The following EPB42 variants were observed in gnomAD, a reference collection of about 807,000 sequenced individuals.
The protein encoded by EPB42 is erythrocyte membrane protein band 4.2.
In EPB42, 49 loss-of-function variants were observed where a neutral mutation model predicts 76.9. The ratio of observed to expected loss-of-function variants is 0.64; its 90% CI spans 0.51 to 0.81. The LOEUF (loss-of-function observed/expected upper bound fraction) is 0.81. Ranked by LOEUF, EPB42 falls within the 30% of genes least tolerant of loss-of-function variation. The pLI is 0.00. For missense variants in EPB42, 731 were observed against 867.6 expected, an observed-to-expected ratio of 0.84 and a Z score of 1.98; for synonymous variants, 310 against 338.4, an observed-to-expected ratio of 0.92 and a Z score of 0.92.
At chr15:43,204,972 C>CG (rs975531845) in intron 10 of EPB42, among the ~76,000 whole-genome samples, 34 of 145,290 alleles carry the variant, frequency 2.3e-4, no homozygotes, top group Admixed American at 5.4e-4. Context: ...CCGCCCCCCC[C>CG]CCAAAAAAAA....
rs762927123 is a variant in EPB42 at position 43,209,294 on chromosome 15, A to G, written c.812T>C (p.Leu271Ser). Residue 271 changes from leucine to serine, a missense_variant, in exon 6 of 13, where the codon TTG (leucine) becomes TCG (serine). By Grantham distance (145) the Leu-to-Ser change is moderately radical. Transcript: ENST00000441366. The stretch of plus-strand genomic sequence containing the variant: ...CCAACCTGTGCAAGCAACAGCAGCC[A>G]ACACCCAGGCCTGGCCATCATACAC... ...RPVYDGQAWV[L>S]AAVACTVLRC... 5 of 1,614,134 alleles carry G rather than the reference A, an allele frequency of 3.1e-6. No individual in the cohort carries two copies. The South Asian group carries it at 5.5e-5, about 18-fold the overall frequency.
chr15:43,209,468 G>C lies in EPB42; in HGVS notation c.655-17C>G. On this transcript the variant is annotated splice_polypyrimidine_tract_variant and intron_variant, in intron 5 of 12. Coordinates refer to ENST00000441366, the MANE Select transcript of EPB42 (RefSeq NM_001114134.2). ...AAAATGCAGCTGTTTGGGGAAATGT[G>C]TGGATGTCAGTATGAGTCCCTTGGG... is the stretch of plus-strand genomic sequence containing the variant. 1 of 1,604,620 alleles carries C rather than the reference G, an allele frequency of 6.2e-7. No individual in the cohort carries two copies. The highest frequency in any genetic ancestry group is 8.5e-7 in the Non-Finnish European group (1 of 1,174,834).
At chr15:43,215,845 C>T (rs546995979) in intron 2 of EPB42, among the ~76,000 whole-genome samples, 1 of 152,310 alleles carries the variant, frequency 6.6e-6, no homozygotes, top group African/African-American at 2.4e-5. Flanking sequence ...TATAGGCCAC[C>T]ATGCCTGGCT....
chr15:43,225,298 T>A (rs1280108520), upstream of EPB42, among the ~76,000 whole-genome samples: 4 of 152,260 alleles, frequency 2.6e-5, no homozygotes, highest in African/African-American at 7.2e-5. Context: ...CTTGTATTTA[T>A]GTGTTAATAT....
At chr15:43,201,387 A>G (rs1255351193) in intron 12 of EPB42, among the ~76,000 whole-genome samples, 1 of 152,262 alleles carries the variant, frequency 6.6e-6, no homozygotes, top group Non-Finnish European at 1.5e-5. Context: ...TACACATTTT[A>G]TACGTACGAA....
rs1196194236 is a variant in EPB42 at position 43,206,234 on chromosome 15, G to A, written c.1618+96C>T. 1.5e-6 allele frequency: 2 copies of A among 1,317,600 alleles called. No individual in the cohort carries two copies. Among genetic ancestry groups the A allele is most frequent in the Non-Finnish European group, 2.1e-6 (2 of 972,026 alleles). 81.6% of individuals were successfully genotyped at this position (1,317,600 alleles called of 1,614,324 possible). ...GCAGGGGCTCAAAGCCATCTCTAGAGACTGCAGGGGGTGCCCTGTGGCTGC... is the reference window on the plus strand; with the variant it reads ...GCAGGGGCTCAAAGCCATCTCTAGAAACTGCAGGGGGTGCCCTGTGGCTGC... On this transcript the variant is annotated intron_variant, in intron 10 of 12. Transcript: ENST00000441366. This position sits in a 1 kb window ranked among gnomAD's most constrained non-coding sequence, Gnocchi z 4.7.
At chr15:43,208,557 G>T in intron 7 of EPB42, 80 bp downstream of exon 7, 1 of 1,599,996 alleles carries the variant, frequency 6.3e-7, no homozygotes, top group South Asian at 1.1e-5. Flanking sequence ...CCATGCAGGG[G>T]GTGGGGCTCC....
chr15:43,221,458 C>T (rs2042459396), upstream of EPB42, among the ~76,000 whole-genome samples: 1 of 152,194 alleles, frequency 6.6e-6, no homozygotes, highest in African/African-American at 2.4e-5. Flanking sequence ...GGGGCCCCAA[C>T]TCTTCCAAGC....
chr15:43,197,313 G>C lies in EPB42; in HGVS notation c.2065C>G (p.Leu689Val). 1 of 1,614,220 alleles carries C rather than the reference G, an allele frequency of 6.2e-7. No individual in the cohort carries two copies. The highest frequency in any genetic ancestry group is 8.5e-7 in the Non-Finnish European group (1 of 1,180,028). ...YKSVTVVAPE[L>V]SA ...ATAGAGCTGGAAGTTTAAGCTGATA[G>C]TTCAGGGGCTACCACGGTGACGCTT... The change falls in exon 13 of 13, where the codon CTA becomes GTA. Residue 689 changes from leucine (L) to valine (V), a missense_variant. Coordinates refer to ENST00000441366, the MANE Select transcript of EPB42 (RefSeq NM_001114134.2).
chr15:43,207,514 C>G (rs1040287516), intron 8 of EPB42, 73 bp from the exon 9 acceptor site: 11 of 1,599,978 alleles, frequency 6.9e-6, no homozygotes, highest in South Asian at 1.1e-5. Flanking sequence ...TGCGTAACCT[C>G]AGTCCCCATC....
chr15:43,220,047 C>A (rs1363865225), intron 1 of EPB42, among the ~76,000 whole-genome samples: 4 of 152,024 alleles, frequency 2.6e-5, no homozygotes, highest in African/African-American at 9.7e-5. Context: ...TTCTTCCCTT[C>A]TCAGCTGTTG....
chr15:43,215,314 T>G lies in EPB42; in HGVS notation c.211A>C (p.Lys71Gln). Residue 71 changes from lysine (K) to glutamine (Q), a missense_variant, in exon 3 of 13, where the codon AAG becomes CAG. Coordinates refer to ENST00000441366, the MANE Select transcript of EPB42 (RefSeq NM_001114134.2). The stretch of plus-strand genomic sequence containing the variant: ...AATGTGGCTTGGGTCCTGTTGATCT[T>G]GGAAGGCTGCTCTCCTGTAGTCACA... ...LTAQTGEQPS[K>Q]INRTQATFPI... The G allele has an allele frequency of 6.8e-6, 11 of 1,614,202 alleles. No individual in the cohort carries two copies. Among genetic ancestry groups the G allele is most frequent in the Non-Finnish European group, 7.6e-6 (9 of 1,180,042 alleles).
chr15:43,212,004 T>C (rs1185564592), intron 3 of EPB42, among the ~76,000 whole-genome samples: 4 of 151,430 alleles, frequency 2.6e-5, no homozygotes, highest in African/African-American at 4.9e-5. Context: ...GAGTTTGAGG[T>C]TGCAATGAGC....
chr15:43,198,244 A>C (rs1462642826), intron 12 of EPB42, among the ~76,000 whole-genome samples: 1 of 152,188 alleles, frequency 6.6e-6, no homozygotes, highest in Non-Finnish European at 1.5e-5. Flanking sequence ...AGAAGATGAA[A>C]ATGTGGGAAA....
At chr15:43,210,149 C>A (rs779209678) in intron 5 of EPB42, among the ~76,000 whole-genome samples, 186 bp downstream of exon 5, 1 of 152,152 alleles carries the variant, frequency 6.6e-6, no homozygotes, top group Non-Finnish European at 1.5e-5. Context: ...CTTTTCTCCC[C>A]GCTGTGGATG....
At chr15:43,221,046 C>T (rs574338569), upstream of EPB42, 12 of 595,638 alleles carry the variant, frequency 2.0e-5, no homozygotes, top group East Asian at 3.5e-4. Flanking sequence ...ATCTCCTGGA[C>T]CAGTTACTGG....
At chr15:43,208,355 A>G in intron 7 of EPB42, 22 bp from the exon 8 acceptor site, 1 of 1,611,494 alleles carries the variant, frequency 6.2e-7, no homozygotes, top group Non-Finnish European at 8.5e-7. Flanking sequence ...AAAGAGAAAA[A>G]TTCAAGTGGG....
At position 43,207,449 on chromosome 15, in the gene EPB42, A is replaced by C; in HGVS notation, c.1076-8T>G. 1 of 1,613,436 alleles carries C rather than the reference A, an allele frequency of 6.2e-7. No individual in the cohort carries two copies. Among genetic ancestry groups the C allele is most frequent in the Non-Finnish European group, 8.5e-7 (1 of 1,180,020 alleles). On this transcript the variant is annotated splice_region_variant and splice_polypyrimidine_tract_variant and intron_variant, in intron 8 of 12. Coordinates refer to ENST00000441366, the MANE Select transcript of EPB42 (RefSeq NM_001114134.2). ...GATCACAGGACCCCAGGACTGAGGG[A>C]GAGAAAGGTTGGTGAGCATGGGAGC...
chr15:43,218,055 C>A (rs1213986710), intron 1 of EPB42, among the ~76,000 whole-genome samples: 1 of 152,154 alleles, frequency 6.6e-6, no homozygotes, highest in African/African-American at 2.4e-5. Context: ...TCCCCCTCCT[C>A]CACTTGGCTT....
Sources: allele counts gnomAD v4.1 joint callset (sites outside exome capture counted in the v4.1 genomes callset), GRCh38; gene constraint gnomAD v4.1.1; non-coding constraint Gnocchi (gnomAD v3.1); transcripts MANE v1.5; gene names NCBI Gene and HGNC (gene_info 2026-07-23, HGNC 2026-07-21).